The following RASGEF1C variants were observed in gnomAD, a reference collection of about 807,000 sequenced individuals.
RASGEF1C encodes the protein RasGEF domain family member 1C.
Under a neutral mutation model 58.1 loss-of-function variants are expected in RASGEF1C, and 27 were observed. The observed-to-expected ratio is 0.46, with a 90% CI of 0.34 to 0.64. RASGEF1C has a LOEUF of 0.64. RASGEF1C is among the 30% of genes least tolerant of loss of function. The pLI, the probability that RASGEF1C is intolerant of heterozygous loss-of-function variation, is 0.01. For synonymous variants in RASGEF1C, 243 were observed against 246.3 expected (o/e 0.99, Z 0.13); for missense variants, 502 against 605.1 (o/e 0.83, Z 1.79).
intron 1 of RASGEF1C, among the ~76,000 whole-genome samples, chr5:180,169,194 G>A (rs188219616): frequency 6.6e-6 from 1 of 152,302 alleles, no homozygotes; most frequent in Admixed American, 6.5e-5. Context: ...TGATACTGAT[G>A]ATTTAGGTAG....
intron 1 of RASGEF1C, among the ~76,000 whole-genome samples, chr5:180,169,389 G>A (rs1767067638): frequency 1.3e-5 from 2 of 152,126 alleles, no homozygotes; most frequent in South Asian, 4.1e-4. Context: ...CACATCCCCT[G>A]GCCCCTTTGA....
intron 6 of RASGEF1C, among the ~76,000 whole-genome samples, chr5:180,122,577 C>T (rs1766193401): frequency 1.3e-5 from 2 of 151,896 alleles, no homozygotes; most frequent in African/African-American, 4.8e-5. Flanking sequence ...TCTGTCTCTA[C>T]TAAATATACA....
chr5:180,134,159 C>G (rs1352089902), intron 4 of RASGEF1C, among the ~76,000 whole-genome samples: 2 of 152,130 alleles, frequency 1.3e-5, no homozygotes, highest in Non-Finnish European at 2.9e-5. Context: ...ACAGCAGCGC[C>G]CAGTGAGGAG....
intron 1 of RASGEF1C, among the ~76,000 whole-genome samples, chr5:180,190,258 C>T (rs1208020786): frequency 2.0e-5 from 3 of 151,386 alleles, no homozygotes; most frequent in East Asian, 2.0e-4. Context: ...GAGGCCGAGG[C>T]AGGCGGATCA....
Position 180,132,029 on chromosome 5 carries a change from C to T in RASGEF1C, c.439-3419G>A, listed in dbSNP as rs1390458709. Among the ~76,000 whole-genome samples, 7 of 152,292 alleles carry T rather than the reference C, an allele frequency of 4.6e-5. No individual in the cohort carries two copies. In the South Asian group the frequency reaches 1.0e-3, roughly 23 times the overall value. ...ATTTTCTCACTGATTTCTCCACACT[C>T]GTGGATAGGAGCTTGGAGATCTCGC... On this transcript the variant is annotated intron_variant, in intron 4 of 13. Coordinates refer to ENST00000361132, the MANE Select transcript of RASGEF1C (RefSeq NM_175062.4).
chr5:180,114,533 A>G lies in RASGEF1C; in HGVS notation c.1092T>C (p.Ile364=), dbSNP rs1433212343. The change falls in exon 11 of 14, where the codon ATT becomes ATC. Residue 364 remains isoleucine, a synonymous_variant. Transcript: ENST00000361132. ...CTTTGATGAGCAGGCTGAAGAAAGG[A>G]ATGACAATCTGGAAGAAAGAGGGGG... ...TAHSSREKIV[I]PFFSLLIKDI... 3.1e-6 allele frequency: 5 copies of G among 1,610,630 alleles called. No homozygotes were observed. The highest frequency in any genetic ancestry group is 3.4e-6 in the Non-Finnish European group (4 of 1,177,794).
At chr5:180,190,988 T>C (rs1235950807) in intron 1 of RASGEF1C, among the ~76,000 whole-genome samples, 1 of 152,176 alleles carries the variant, frequency 6.6e-6, no homozygotes, top group East Asian at 1.9e-4. Flanking sequence ...GCAAAATATC[T>C]GAACTGACAG....
At chr5:180,194,134 A>G (rs1756220607) in intron 1 of RASGEF1C, among the ~76,000 whole-genome samples, 1 of 151,928 alleles carries the variant, frequency 6.6e-6, no homozygotes, top group African/African-American at 2.4e-5. Context: ...AGAGAGCAGG[A>G]CCACTGGGCC....
At chr5:180,195,853 C>T (rs1369411815) in intron 1 of RASGEF1C, among the ~76,000 whole-genome samples, 1 of 152,158 alleles carries the variant, frequency 6.6e-6, no homozygotes, top group African/African-American at 2.4e-5. Context: ...TCACAATCCC[C>T]CGTGCATCCT....
chr5:180,119,870 C>T (rs578008937), intron 7 of RASGEF1C, among the ~76,000 whole-genome samples: 2 of 152,320 alleles, frequency 1.3e-5, no homozygotes, highest in East Asian at 1.9e-4. Context: ...GCAGCCCCTC[C>T]GCTCTCTCCA....
intron 1 of RASGEF1C, among the ~76,000 whole-genome samples, chr5:180,207,886 C>T (rs868529544): frequency 6.6e-6 from 1 of 152,214 alleles, no homozygotes; most frequent in Non-Finnish European, 1.5e-5. Context: ...CCCTGGTCTC[C>T]CTCTGCCCCA....
chr5:180,166,371 T>C (rs1767020474), intron 1 of RASGEF1C, among the ~76,000 whole-genome samples: 1 of 152,206 alleles, frequency 6.6e-6, no homozygotes, highest in Admixed American at 6.5e-5. Flanking sequence ...ATTCCCCATG[T>C]ATGTGTCCTT....
At chr5:180,106,672 G>A (rs1487736803) in intron 12 of RASGEF1C, among the ~76,000 whole-genome samples, 1 of 152,184 alleles carries the variant, frequency 6.6e-6, no homozygotes, top group East Asian at 1.9e-4. Context: ...GTTTCAGCTT[G>A]TTTTATGGCT....
At chr5:180,114,610 G>C (rs1000209646) in intron 10 of RASGEF1C, 69 bp from the exon 11 acceptor site, 1 of 1,465,048 alleles carries the variant, frequency 6.8e-7, no homozygotes, top group Non-Finnish European at 9.3e-7. Flanking sequence ...ACGGGGGGCA[G>C]CCTTGCCAGC....
chr5:180,163,317 C>T (rs1483282554), intron 1 of RASGEF1C, among the ~76,000 whole-genome samples: 3 of 139,738 alleles, frequency 2.1e-5, no homozygotes, highest in Admixed American at 7.7e-5. Context: ...AATGGACAGT[C>T]AACTTGTTCC....
intron 6 of RASGEF1C, among the ~76,000 whole-genome samples, chr5:180,122,383 A>G (rs1332475234): frequency 6.6e-6 from 1 of 152,204 alleles, no homozygotes; most frequent in African/African-American, 2.4e-5. Flanking sequence ...TGGATTTAGA[A>G]CTTTCCACTG....
chr5:180,144,508 A>G (rs7443736), intron 1 of RASGEF1C, among the ~76,000 whole-genome samples: 144,846 of 152,168 alleles, frequency 0.95, 69,361 homozygotes, highest in East Asian at 1. Context: ...ACGTAATGTC[A>G]CACACCTGTA....
intron 1 of RASGEF1C, among the ~76,000 whole-genome samples, chr5:180,173,712 A>G (rs1767154035): frequency 6.6e-6 from 1 of 152,106 alleles, no homozygotes; most frequent in Non-Finnish European, 1.5e-5. Flanking sequence ...CAGGAGTTTG[A>G]GACCAGCCTG....
chr5:180,206,918 A>C (rs889440417), intron 1 of RASGEF1C, among the ~76,000 whole-genome samples: 67 of 152,226 alleles, frequency 4.4e-4, no homozygotes, highest in Admixed American at 1.5e-3. Flanking sequence ...AAATATTTTA[A>C]ATGGCTCCCA....
Sources: allele counts gnomAD v4.1 joint callset (sites outside exome capture counted in the v4.1 genomes callset), GRCh38; gene constraint gnomAD v4.1.1; transcripts MANE v1.5; gene names NCBI Gene and HGNC (gene_info 2026-07-23, HGNC 2026-07-21).